GULP1: variants seen among roughly 807,000 people sequenced by gnomAD.
GULP1 encodes GULP PTB domain containing engulfment adaptor 1.
In GULP1, 19 loss-of-function variants were observed where a neutral mutation model predicts 40.9. The observed-to-expected ratio is 0.46, with a 90% CI of 0.32 to 0.68. The LOEUF is 0.68. Among genes scored for constraint, GULP1 ranks in the 30% least tolerant of loss-of-function variants. The pLI, the probability that GULP1 is intolerant of heterozygous loss-of-function variation, is 0.03. For synonymous variants in GULP1, 119 were observed against 117.6 expected, an observed-to-expected ratio of 1.01 and a Z score of -0.08; for missense variants, 312 against 362.2, an observed-to-expected ratio of 0.86 and a Z score of 1.12.
chr2:188,508,103 C>T (rs146045658), intron 4 of GULP1, among the ~76,000 whole-genome samples: 168 of 151,936 alleles, frequency 1.1e-3, no homozygotes, highest in African/African-American at 4.0e-3. Context: ...GAAAAATACT[C>T]GTAGAAGTTG....
At chr2:188,408,636 A>G (rs2053456553) in intron 2 of GULP1, among the ~76,000 whole-genome samples, 1 of 152,188 alleles carries the variant, frequency 6.6e-6, no homozygotes, top group South Asian at 2.1e-4. Context: ...ATAAGGAAAC[A>G]TTGGACTTGA....
intron 1 of GULP1, among the ~76,000 whole-genome samples, chr2:188,302,756 C>T (rs2036360755): frequency 6.6e-6 from 1 of 152,134 alleles, no homozygotes; most frequent in Non-Finnish European, 1.5e-5. Context: ...AGCAAGAATC[C>T]TGCTAAGTGT....
intron 2 of GULP1, among the ~76,000 whole-genome samples, chr2:188,451,778 A>G (rs1418265172): frequency 7.0e-6 from 1 of 142,960 alleles, no homozygotes; most frequent in African/African-American, 2.9e-5. Context: ...CTAGGAAAAT[A>G]AAAAAGAATA....
At chr2:188,549,760 C>T (rs1286966275) in intron 7 of GULP1, among the ~76,000 whole-genome samples, 1 of 151,656 alleles carries the variant, frequency 6.6e-6, no homozygotes, top group Non-Finnish European at 1.5e-5. Flanking sequence ...CATTACTTAG[C>T]AATAAAAAGG....
At chr2:188,367,646 A>G (rs2046984579) in intron 1 of GULP1, among the ~76,000 whole-genome samples, 1 of 152,200 alleles carries the variant, frequency 6.6e-6, no homozygotes, top group Non-Finnish European at 1.5e-5. Flanking sequence ...ACTCAGAAAC[A>G]GGTATCAAGA....
At chr2:188,383,071 T>G (rs2049212605) in intron 1 of GULP1, among the ~76,000 whole-genome samples, 1 of 152,134 alleles carries the variant, frequency 6.6e-6, no homozygotes. Flanking sequence ...AAAGATCAGG[T>G]CTTTTTAGTG....
chr2:188,544,495 A>G (rs1409037994), intron 7 of GULP1, among the ~76,000 whole-genome samples: 1 of 151,914 alleles, frequency 6.6e-6, no homozygotes, highest in African/African-American at 2.4e-5. Context: ...TATGTAACAA[A>G]CGTGCATGTT....
chr2:188,520,527 T>TAAA (rs754573431), intron 4 of GULP1, among the ~76,000 whole-genome samples: 3 of 92,412 alleles, frequency 3.2e-5, no homozygotes, highest in Admixed American at 1.2e-4. Flanking sequence ...AGACTCCATC[T>TAAA]AAAAAAAAAA....
chr2:188,374,760 A>G (rs942577657), intron 1 of GULP1, among the ~76,000 whole-genome samples: 5 of 147,068 alleles, frequency 3.4e-5, no homozygotes, highest in Admixed American at 1.4e-4. Flanking sequence ...GGAAAGAGGA[A>G]AAAAAAAAAA....
chr2:188,384,681 A>C (rs2049437032), intron 2 of GULP1, among the ~76,000 whole-genome samples: 1 of 152,200 alleles, frequency 6.6e-6, no homozygotes, highest in Non-Finnish European at 1.5e-5. Context: ...TGTAAAATCA[A>C]AAGCAAGTTA....
At chr2:188,489,102 T>C (rs1174130229) in intron 4 of GULP1, among the ~76,000 whole-genome samples, 2 of 152,016 alleles carry the variant, frequency 1.3e-5, no homozygotes, top group Admixed American at 6.6e-5. Context: ...TATGACCTAA[T>C]TGAAAAAAAT....
At chr2:188,592,363 C>A (rs1399350847) in intron 11 of GULP1, 1 of 151,678 alleles carries the variant, frequency 6.6e-6, no homozygotes, top group Non-Finnish European at 1.5e-5. Context: ...CTTCAGATAT[C>A]CAAATAAAAT....
chr2:188,569,603 C>CT, intron 8 of GULP1: 1 of 439,390 alleles, frequency 2.3e-6, no homozygotes, highest in Admixed American at 4.0e-5. Flanking sequence ...CTTCCTGATG[C>CT]TTCTCATGGG....
At position 188,561,855 on chromosome 2, in the gene GULP1, G is replaced by A. The variant is rs956807001; in HGVS notation, c.400-7384G>A. On this transcript the variant is annotated intron_variant, in intron 7 of 11. Coordinates refer to ENST00000409830, the MANE Select transcript of GULP1 (RefSeq NM_016315.4). The stretch of plus-strand genomic sequence containing the variant: ...GGCAGTGGTAGTCCTTGCCTAGGTT[G>A]TACCTCAGCCCCCGCTACAGGAGCC... 2.2e-4 allele frequency among the ~76,000 whole-genome samples: 33 copies of A among 152,230 alleles called. No individual in the cohort carries two copies. The East Asian group carries it at 5.8e-3, about 27-fold the overall frequency.
intron 9 of GULP1, among the ~76,000 whole-genome samples, chr2:188,583,911 A>C (rs1293636016): frequency 6.6e-6 from 1 of 152,200 alleles, no homozygotes; most frequent in East Asian, 1.9e-4. Context: ...TTTTTACATG[A>C]ATAGTTTCTA....
At chr2:188,499,125 ATATG>A (rs1250936422) in intron 4 of GULP1, among the ~76,000 whole-genome samples, 1 of 23,238 alleles carries the variant, frequency 4.3e-5, no homozygotes, top group Non-Finnish European at 9.1e-5. Flanking sequence ...AAATGCACAT[ATATG>A]TGTGTGTATA....
At chr2:188,333,094 C>A (rs1210085067) in intron 1 of GULP1, among the ~76,000 whole-genome samples, 8 of 151,662 alleles carry the variant, frequency 5.3e-5, no homozygotes, top group Admixed American at 4.6e-4. Context: ...AAAATAAAAA[C>A]ATTAGCGGGG....
intron 1 of GULP1, among the ~76,000 whole-genome samples, chr2:188,311,339 G>A (rs926683335): frequency 2.0e-5 from 3 of 152,128 alleles, no homozygotes; most frequent in Non-Finnish European, 4.4e-5. Flanking sequence ...TGGGACTACA[G>A]GCATGCGCCA....
intron 1 of GULP1, among the ~76,000 whole-genome samples, chr2:188,306,998 T>A (rs954912460): frequency 3.3e-5 from 5 of 152,196 alleles, no homozygotes; most frequent in African/African-American, 9.6e-5. Context: ...ATGGCGTAAA[T>A]CTGGATTCTA....
Sources: allele counts gnomAD v4.1 joint callset (sites outside exome capture counted in the v4.1 genomes callset), GRCh38; gene constraint gnomAD v4.1.1; transcripts MANE v1.5; gene names NCBI Gene and HGNC (gene_info 2026-07-23, HGNC 2026-07-21).